NRL: variants seen among roughly 807,000 people sequenced by gnomAD.
NRL encodes the protein neural retina leucine zipper.
NRL carries 16 observed loss-of-function variants against 12.5 expected under a neutral mutation model. The observed-to-expected ratio is 1.28, with a 90% CI of 0.87 to 1.95. The LOEUF is 1.95. Ranked by LOEUF, NRL falls within the 30% of genes most tolerant of loss-of-function variation. The probability of loss-of-function intolerance (pLI) is 0.00; values close to 1 mark genes in which losing one functional copy is unlikely to be tolerated. For missense variants in NRL, 314 were observed against 325.8 expected (o/e 0.96, Z 0.28); for synonymous variants, 142 against 150.9 (o/e 0.94, Z 0.43).
Position 24,082,746 on chromosome 14 carries a change from G to T in NRL, c.103C>A (p.Pro35Thr), listed in dbSNP as rs374903210. The T allele has an allele frequency of 4.3e-5, 69 of 1,614,088 alleles. No homozygotes were observed. The highest frequency in any genetic ancestry group is 5.8e-5 in the Non-Finnish European group (68 of 1,180,050). Residue 35 changes from proline (P) to threonine (T), a missense_variant, in exon 2 of 3, where the codon CCT becomes ACT. Coordinates refer to ENST00000561028, the MANE Select transcript of NRL (RefSeq NM_001354768.3). ...GGTGTGGAGCCCAGTGAGGCTGTAG[G>T]GGGGCCAGGTCGGCCCTCAGAGGGT... ...REPSEGRPGP[P>T]TASLGSTPYS... is the part of the protein sequence containing the mutation.
intron 1 of NRL, among the ~76,000 whole-genome samples, chr14:24,091,701 A>T (rs925989761): frequency 1.3e-5 from 2 of 152,184 alleles, no homozygotes. Flanking sequence ...GACTTTGAGC[A>T]AATGACTCTT....
chr14:24,099,127 C>T, intron 1 of NRL: 1 of 1,612,416 alleles, frequency 6.2e-7, no homozygotes, highest in Non-Finnish European at 8.5e-7. Flanking sequence ...GAGATCATCT[C>T]CTTCGGCAGC....
At chr14:24,091,709 CTT>C (rs896016002) in intron 1 of NRL, among the ~76,000 whole-genome samples, 3 of 148,214 alleles carry the variant, frequency 2.0e-5, no homozygotes, top group African/African-American at 5.0e-5. Context: ...GCAAATGACT[CTT>C]TTTTTTTTCA....
chr14:24,095,057 G>A, intron 1 of NRL: 1 of 455,296 alleles, frequency 2.2e-6, no homozygotes, highest in Non-Finnish European at 4.4e-6. Context: ...TTCTTCCTCC[G>A]TCCAGGCCTG....
At chr14:24,101,864 A>C (rs2037175534) in intron 1 of NRL, among the ~76,000 whole-genome samples, 1 of 151,614 alleles carries the variant, frequency 6.6e-6, no homozygotes, top group African/African-American at 2.4e-5. Flanking sequence ...GCAGTGAGAC[A>C]AGATCATGCC....
rs909178310 is a variant in NRL at position 24,081,850 on chromosome 14, C to T, written c.382-282G>A. The T allele has an allele frequency of 2.8e-5, 39 of 1,390,016 alleles. No individual in the cohort carries two copies. Among genetic ancestry groups the T allele is most frequent in the Middle Eastern group, 1.9e-4 (1 of 5,364 alleles). The allele number at this position is 1,390,016 out of a possible 1,614,324, so 86.1% of individuals were successfully genotyped here. ...CCGTCGCGCACCTAAACCCCGGGCT[C>T]GTCTCTGGGATCCCCGGCATCCAGC... On this transcript the variant is annotated intron_variant, in intron 2 of 2. Transcript: ENST00000561028. This position sits in a 1 kb window ranked among gnomAD's most constrained non-coding sequence, Gnocchi z 4.4.
At chr14:24,111,499 G>A (rs577434616) in intron 1 of NRL, among the ~76,000 whole-genome samples, 8 of 151,654 alleles carry the variant, frequency 5.3e-5, no homozygotes, top group East Asian at 1.9e-4. Flanking sequence ...TCAGCCTCTC[G>A]AGTGGCTGGG....
chr14:24,093,664 C>G (rs750851398), intron 1 of NRL, among the ~76,000 whole-genome samples: 63 of 152,236 alleles, frequency 4.1e-4, no homozygotes, highest in Admixed American at 7.2e-4. Context: ...GCCTGGGTGA[C>G]AGAGTAAGAC....
intron 1 of NRL, chr14:24,102,951 C>T: frequency 1.3e-6 from 2 of 1,492,300 alleles, no homozygotes; most frequent in Non-Finnish European, 1.9e-6. Flanking sequence ...TAGGGCCTAC[C>T]TCCCTCCCTC....
intron 1 of NRL, chr14:24,099,603 G>A (rs371701549): frequency 2.9e-5 from 46 of 1,612,528 alleles, no homozygotes; most frequent in Admixed American, 5.0e-5. Context: ...CTATGTGGCA[G>A]CCGCCTTCCC....
intron 1 of NRL, among the ~76,000 whole-genome samples, chr14:24,100,831 C>T (rs2037134161): frequency 6.6e-6 from 1 of 152,184 alleles, no homozygotes; most frequent in Admixed American, 6.5e-5. Flanking sequence ...AAAATCAGGT[C>T]AGTGCTTGAG....
rs1189962160 is a variant in NRL, at chr14:24,085,087, G to A, written c.-27-2212C>T. On this transcript the variant is annotated intron_variant, in intron 1 of 2. Coordinates refer to ENST00000561028, the MANE Select transcript of NRL (RefSeq NM_001354768.3). The surrounding 1 kb of genome is among the most constrained non-coding windows in gnomAD (Gnocchi z 4.1). ...TTTTGGATCTGTTTCCTATTTTCAA[G>A]AATCCTCACATTTCTACCTCTGCCC... Among the ~76,000 whole-genome samples the A allele has an allele frequency of 2.0e-5, 3 of 152,276 alleles. No individual in the cohort carries two copies. In the East Asian group the frequency reaches 5.8e-4, roughly 29 times the overall value.
At chr14:24,082,353 C>T in intron 2 of NRL, 115 bp downstream of exon 2, 2 of 1,330,086 alleles carry the variant, frequency 1.5e-6, no homozygotes, top group Admixed American at 1.8e-5. Context: ...TCCCCTTCTC[C>T]TGCCCTCTGT....
At chr14:24,111,404 G>A (rs1405642870) in intron 1 of NRL, among the ~76,000 whole-genome samples, 5 of 151,826 alleles carry the variant, frequency 3.3e-5, no homozygotes, top group Admixed American at 6.6e-5. Flanking sequence ...ACGGAGTTTC[G>A]CTTTTGTAGC....
Position 24,094,570 on chromosome 14 carries a change from G to A in NRL, c.-27-11695C>T, listed in dbSNP as rs1187541698. On this transcript the variant is annotated intron_variant, in intron 1 of 2. Coordinates refer to ENST00000561028, the MANE Select transcript of NRL (RefSeq NM_001354768.3). This position sits in a 1 kb window ranked among gnomAD's most constrained non-coding sequence, Gnocchi z 4.1. ...GCGGAGGCGGGCAGGGGCGACTGCTGTGGGTCCAGCCTCCCGCGCCGCGCG... is the reference window on the plus strand; with the variant it reads ...GCGGAGGCGGGCAGGGGCGACTGCTATGGGTCCAGCCTCCCGCGCCGCGCG... The A allele has an allele frequency of 4.8e-6, 7 of 1,445,518 alleles. No individual in the cohort carries two copies. The East Asian group carries it at 1.0e-4, about 21-fold the overall frequency. 89.5% of individuals were successfully genotyped at this position (1,445,518 alleles called of 1,614,324 possible).
intron 1 of NRL, chr14:24,103,270 C>T (rs1365838394): frequency 1.3e-6 from 2 of 1,593,188 alleles, no homozygotes; most frequent in Non-Finnish European, 1.7e-6. Context: ...GCACCCTCAC[C>T]ATTCCTCCCT....
At position 24,078,771 on chromosome 14, in the gene NRL, C is replaced by A. The variant is rs2036194341; in HGVS notation, c.*2465G>T. Among the ~76,000 whole-genome samples, 1 of 152,100 alleles carries A rather than the reference C, an allele frequency of 6.6e-6. No homozygotes were observed. The highest frequency in any genetic ancestry group is 2.4e-5 in the African/African-American group (1 of 41,402). ...CCATTTTTCTGACAATCAAGTGAGG[C>A]TTGATTTTAACCCACCCATGGTCAA... On this transcript the variant is annotated 3_prime_UTR_variant, in exon 3 of 3. Coordinates refer to ENST00000561028, the MANE Select transcript of NRL (RefSeq NM_001354768.3).
rs2036435099 is a variant in NRL at position 24,085,208 on chromosome 14, T to C, written c.-27-2333A>G. 6.6e-6 allele frequency among the ~76,000 whole-genome samples: 1 copy of C among 152,156 alleles called. No individual in the cohort carries two copies. Among genetic ancestry groups the C allele is most frequent in the Admixed American group, 6.5e-5 (1 of 15,286 alleles). On this transcript the variant is annotated intron_variant, in intron 1 of 2. Coordinates refer to ENST00000561028, the MANE Select transcript of NRL (RefSeq NM_001354768.3). The surrounding 1 kb of genome is among the most constrained non-coding windows in gnomAD (Gnocchi z 4.1). Reference sequence around the variant, plus strand: ...GGGGATCTCCAGGACTTGACCACCATATTTTGTCTCTCCCATTCTTGCTAA... The same window carrying C: ...GGGGATCTCCAGGACTTGACCACCACATTTTGTCTCTCCCATTCTTGCTAA...
intron 1 of NRL, among the ~76,000 whole-genome samples, chr14:24,091,105 C>T (rs868436555): frequency 6.7e-6 from 1 of 149,080 alleles, no homozygotes; most frequent in South Asian, 2.1e-4. Context: ...TTCTAAGGGA[C>T]GAACAGAAAA....
Sources: gnomAD v4.1 joint callset for allele counts (sites outside exome capture counted in the v4.1 genomes callset) on GRCh38, gnomAD v4.1.1 for gene constraint, Gnocchi (gnomAD v3.1) non-coding constraint, MANE v1.5 for transcripts, NCBI Gene and HGNC (gene_info 2026-07-23, HGNC 2026-07-21) for gene names.